STRBP: variants seen among roughly 807,000 people sequenced by gnomAD.
STRBP encodes the protein spermatid perinuclear RNA-binding protein.
Under a neutral mutation model 80.1 loss-of-function variants are expected in STRBP, and 13 were observed. The observed-to-expected ratio is 0.16, with a 90% CI of 0.11 to 0.26. The LOEUF (loss-of-function observed/expected upper bound fraction) is 0.26, where lower values mean the gene tolerates loss of function less well. Ranked by LOEUF, STRBP falls within the 10% of genes least tolerant of loss-of-function variation. The pLI is 1.00. For synonymous variants in STRBP, 284 were observed against 291.2 expected (o/e 0.98, Z 0.25); for missense variants, 485 against 815.2 (o/e 0.59, Z 4.93).
intron 2 of STRBP, among the ~76,000 whole-genome samples, chr9:123,198,034 T>C (rs2039169218): frequency 6.6e-6 from 1 of 152,178 alleles, no homozygotes; most frequent in Admixed American, 6.5e-5. Flanking sequence ...GTGGTTTTAA[T>C]CTGCATTTCC....
chr9:123,165,563 T>C (rs1349596129), intron 6 of STRBP, among the ~76,000 whole-genome samples: 2 of 152,188 alleles, frequency 1.3e-5, no homozygotes, highest in African/African-American at 2.4e-5. Context: ...AGTGTCTCTG[T>C]AGTTTCCTTA....
At chr9:123,258,459 AAAC>A (rs2041083270) in intron 1 of STRBP, among the ~76,000 whole-genome samples, 1 of 152,196 alleles carries the variant, frequency 6.6e-6, no homozygotes, top group Admixed American at 6.5e-5. Context: ...TGGACAGGGT[AAAC>A]AACAAGTGCA....
intron 2 of STRBP, among the ~76,000 whole-genome samples, chr9:123,192,257 A>T (rs1444321363): frequency 6.6e-6 from 1 of 152,226 alleles, no homozygotes; most frequent in East Asian, 1.9e-4. Flanking sequence ...GGGAGTTTTC[A>T]GTAGTTTGGT....
At chr9:123,170,763 G>A (rs1327181407) in intron 5 of STRBP, among the ~76,000 whole-genome samples, 1 of 151,962 alleles carries the variant, frequency 6.6e-6, no homozygotes, top group Non-Finnish European at 1.5e-5. Flanking sequence ...CACCTGATCA[G>A]AATTATATAT....
intron 11 of STRBP, among the ~76,000 whole-genome samples, chr9:123,153,387 C>T (rs574490140): frequency 2.2e-4 from 34 of 152,174 alleles, no homozygotes; most frequent in Non-Finnish European, 4.3e-4. Context: ...GACGGGGTTT[C>T]GCCATGTTGG....
At position 123,124,919 on chromosome 9, in the gene STRBP, C is replaced by T; in HGVS notation, c.*678G>A. Reference sequence around the variant, plus strand: ...GTAGACTGGCTCAAACTAACAATCACCTTTGCTTTGTTTTAGCACTTTGCT... The same window carrying T: ...GTAGACTGGCTCAAACTAACAATCATCTTTGCTTTGTTTTAGCACTTTGCT... On this transcript the variant is annotated 3_prime_UTR_variant, in exon 19 of 19. Coordinates refer to ENST00000348403, the MANE Select transcript of STRBP (RefSeq NM_018387.5). 21 of 985,620 alleles carry T rather than the reference C, an allele frequency of 2.1e-5. No homozygotes were observed. The highest frequency in any genetic ancestry group is 2.5e-5 in the Non-Finnish European group (21 of 829,912). 61.1% of individuals were successfully genotyped at this position (985,620 alleles called of 1,614,324 possible).
intron 1 of STRBP, among the ~76,000 whole-genome samples, chr9:123,249,554 T>C (rs1564335450): frequency 6.6e-6 from 1 of 152,040 alleles, no homozygotes; most frequent in Non-Finnish European, 1.5e-5. Context: ...AGTGGGAGGA[T>C]CACTTGAGCC....
intron 1 of STRBP, among the ~76,000 whole-genome samples, chr9:123,251,701 CT>C: frequency 6.6e-6 from 1 of 152,196 alleles, no homozygotes; most frequent in East Asian, 1.9e-4. Flanking sequence ...TGTAAAAGTC[CT>C]TTGTATGTCT....
intron 1 of STRBP, among the ~76,000 whole-genome samples, chr9:123,256,994 G>A (rs541206855): frequency 3.3e-5 from 5 of 150,616 alleles, no homozygotes; most frequent in African/African-American, 2.4e-5. Flanking sequence ...GTCTTTCCAC[G>A]TAACATTGTC....
At chr9:123,196,783 GGTAGGAAT>G (rs2039107263) in intron 2 of STRBP, among the ~76,000 whole-genome samples, 1 of 152,152 alleles carries the variant, frequency 6.6e-6, no homozygotes, top group South Asian at 2.1e-4. Flanking sequence ...GTATACTGTT[GGTAGGAAT>G]GTAAATTAGT....
intron 2 of STRBP, among the ~76,000 whole-genome samples, chr9:123,190,468 A>T (rs578144331): frequency 9.2e-3 from 135 of 14,666 alleles, no homozygotes; most frequent in African/African-American, 0.014. Flanking sequence ...TTTTTCATGT[A>T]AAAAAAAAAG....
chr9:123,147,825 C>A lies in STRBP; in HGVS notation c.1091G>T (p.Gly364Val). ...ALKRPFEDGL[G>V]DDKDPNKKMK... is the part of the protein sequence containing the mutation. ...CTTCTTGTTGGGGTCTTTATCATCC[C>A]CTAATCCATCTTCAAATGGCCTCTT... The change falls in exon 12 of 19, where the codon GGG (glycine) becomes GTG (valine). Residue 364 changes from glycine to valine, a missense_variant. Gly to Val is a moderately radical substitution (Grantham distance 109). Transcript: ENST00000348403. The A allele has an allele frequency of 6.2e-7, 1 of 1,612,768 alleles. No homozygotes were observed.
chr9:123,201,041 T>C (rs1011538299), intron 2 of STRBP, among the ~76,000 whole-genome samples: 2 of 152,154 alleles, frequency 1.3e-5, no homozygotes, highest in Non-Finnish European at 1.5e-5. Context: ...AATAGTAGTC[T>C]GGAATGATCT....
chr9:123,149,446 T>C (rs1429171173), intron 11 of STRBP, among the ~76,000 whole-genome samples: 1 of 152,234 alleles, frequency 6.6e-6, no homozygotes, highest in Non-Finnish European at 1.5e-5. Flanking sequence ...AGCAGCTTCT[T>C]GATTGCCTGG....
chr9:123,171,889 T>A (rs1019541667), intron 5 of STRBP, among the ~76,000 whole-genome samples: 4 of 152,154 alleles, frequency 2.6e-5, no homozygotes, highest in African/African-American at 9.7e-5. Flanking sequence ...CTGTACACCC[T>A]CCAGGGTAAC....
At chr9:123,190,054 T>A (rs773505665) in intron 2 of STRBP, among the ~76,000 whole-genome samples, 1 of 151,706 alleles carries the variant, frequency 6.6e-6, no homozygotes, top group South Asian at 2.1e-4. Context: ...CAGAGATGGG[T>A]GGATCACTTG....
intron 4 of STRBP, 113 bp from the exon 5 acceptor site, chr9:123,173,955 C>A: frequency 8.6e-7 from 1 of 1,167,504 alleles, no homozygotes; most frequent in Non-Finnish European, 1.2e-6. Flanking sequence ...TATGTAAATC[C>A]AGACATCCAA....
intron 2 of STRBP, among the ~76,000 whole-genome samples, chr9:123,220,779 T>A (rs181830872): frequency 8.9e-4 from 135 of 152,258 alleles, no homozygotes; most frequent in African/African-American, 2.9e-3. Flanking sequence ...AATGCCCCAG[T>A]ACAATGCCAC....
At chr9:123,139,489 CAT>C in intron 14 of STRBP, 38 bp downstream of exon 14, 3 of 1,492,928 alleles carry the variant, frequency 2.0e-6, no homozygotes, top group African/African-American at 1.4e-5. Context: ...CTACAATGCA[CAT>C]ATATGTTATT....
Sources: allele counts gnomAD v4.1 joint callset (sites outside exome capture counted in the v4.1 genomes callset), GRCh38; gene constraint gnomAD v4.1.1; transcripts MANE v1.5; gene names NCBI Gene and HGNC (gene_info 2026-07-23, HGNC 2026-07-21).